The following DPP10 variants were observed in gnomAD, a reference collection of about 807,000 sequenced individuals.
DPP10 encodes the protein dipeptidyl peptidase like 10.
Under a neutral mutation model 120.9 loss-of-function variants are expected in DPP10, and 33 were observed. That is an observed-to-expected ratio of 0.27 (90% confidence interval 0.21 to 0.37). The LOEUF is 0.37. Among genes scored for constraint, DPP10 ranks in the 10% least tolerant of loss-of-function variants. DPP10 has a pLI of 1.00. For synonymous variants in DPP10, 337 were observed against 326.1 expected, an observed-to-expected ratio of 1.03 and a Z score of -0.36; for missense variants, 816 against 942.8, an observed-to-expected ratio of 0.87 and a Z score of 1.76.
At position 114,770,382 on chromosome 2, in the gene DPP10, C is replaced by T. The variant is rs150402670; in HGVS notation, c.60+327544C>T. Reference sequence around the variant, plus strand: ...ACTATTAATTTATTTTTAGGAATTACATTACTTTTTTACATTACTGTAGGA... The same window carrying T: ...ACTATTAATTTATTTTTAGGAATTATATTACTTTTTTACATTACTGTAGGA... On this transcript the variant is annotated intron_variant, in intron 1 of 25. Coordinates refer to ENST00000410059, the MANE Select transcript of DPP10 (RefSeq NM_020868.6). 9.1e-3 allele frequency among the ~76,000 whole-genome samples: 1,390 copies of T among 152,178 alleles called. 16 individuals carry two copies. Among genetic ancestry groups the T allele is most frequent in the Middle Eastern group, 0.014 (4 of 294 alleles).
chr2:115,237,049 TC>T (rs144607576), intron 1 of DPP10, among the ~76,000 whole-genome samples: 9,276 of 152,270 alleles, frequency 0.061, 326 homozygotes, highest in Middle Eastern at 0.11. Flanking sequence ...ATATAACTTT[TC>T]CAGGTTCCTA....
chr2:115,563,164 A>C (rs933489854), intron 5 of DPP10, among the ~76,000 whole-genome samples: 1 of 152,222 alleles, frequency 6.6e-6, no homozygotes, highest in African/African-American at 2.4e-5. Context: ...GCACTGTGAC[A>C]TTATGATTGT....
chr2:115,203,440 A>C (rs1026590748), intron 1 of DPP10, among the ~76,000 whole-genome samples: 4 of 152,050 alleles, frequency 2.6e-5, no homozygotes, highest in Non-Finnish European at 5.9e-5. Context: ...AATTTTTTCT[A>C]TGATTTGCCT....
chr2:115,767,445 C>T (rs1680897185), intron 12 of DPP10, among the ~76,000 whole-genome samples: 1 of 149,058 alleles, frequency 6.7e-6, no homozygotes, highest in Non-Finnish European at 1.5e-5. Context: ...GAAGAAAGAG[C>T]AGTATCTCTC....
chr2:114,523,282 T>G (rs898776711), intron 1 of DPP10, among the ~76,000 whole-genome samples: 1 of 152,208 alleles, frequency 6.6e-6, no homozygotes, highest in Non-Finnish European at 1.5e-5. Flanking sequence ...AGTCATTGAC[T>G]GCAGGCTGTT....
At chr2:115,010,926 C>T (rs1702219682) in intron 1 of DPP10, among the ~76,000 whole-genome samples, 2 of 152,254 alleles carry the variant, frequency 1.3e-5, no homozygotes, top group South Asian at 4.1e-4. Context: ...TAAACATGAT[C>T]ATTTCAAAGC....
intron 1 of DPP10, among the ~76,000 whole-genome samples, chr2:114,739,382 G>A (rs576714617): frequency 3.7e-4 from 56 of 152,158 alleles, no homozygotes; most frequent in Middle Eastern, 3.2e-3. Flanking sequence ...CTATGTTCTT[G>A]GAACGGTGGC....
At chr2:115,057,058 CA>C (rs1010432552) in intron 1 of DPP10, among the ~76,000 whole-genome samples, 10 of 152,192 alleles carry the variant, frequency 6.6e-5, no homozygotes, top group African/African-American at 2.4e-4. Flanking sequence ...CCATGAAAAA[CA>C]AAAGAAAAGA....
chr2:114,634,237 AT>A (rs1558951620), intron 1 of DPP10, among the ~76,000 whole-genome samples: 1 of 151,840 alleles, frequency 6.6e-6, no homozygotes, highest in African/African-American at 2.4e-5. Flanking sequence ...TTTAGGTAAG[AT>A]TTTGTTTCTC....
At chr2:115,393,370 A>C (rs368904110) in intron 3 of DPP10, among the ~76,000 whole-genome samples, 1 of 152,306 alleles carries the variant, frequency 6.6e-6, no homozygotes, top group Non-Finnish European at 1.5e-5. Flanking sequence ...ATCTAATGCT[A>C]ATAAATGAAA....
chr2:115,041,467 A>C (rs1704638623), intron 1 of DPP10, among the ~76,000 whole-genome samples: 1 of 152,146 alleles, frequency 6.6e-6, no homozygotes, highest in South Asian at 2.1e-4. Flanking sequence ...CCTAACTATG[A>C]GATATTGCTT....
At chr2:115,585,740 G>C (rs916746123) in intron 5 of DPP10, among the ~76,000 whole-genome samples, 1 of 151,924 alleles carries the variant, frequency 6.6e-6, no homozygotes, top group Non-Finnish European at 1.5e-5. Context: ...TATATTTCTA[G>C]TTTAGTGATT....
At chr2:114,570,100 T>C (rs936504107) in intron 1 of DPP10, among the ~76,000 whole-genome samples, 4 of 152,192 alleles carry the variant, frequency 2.6e-5, no homozygotes, top group African/African-American at 9.7e-5. Context: ...CCTTCTCTTC[T>C]TTCCTCTCAG....
At chr2:115,069,611 C>T (rs1450403181) in intron 1 of DPP10, among the ~76,000 whole-genome samples, 1 of 152,026 alleles carries the variant, frequency 6.6e-6, no homozygotes, top group Non-Finnish European at 1.5e-5. Flanking sequence ...ATAAAAGGAT[C>T]AGTATGTCTT....
intron 1 of DPP10, among the ~76,000 whole-genome samples, chr2:114,702,255 A>G (rs1007265280): frequency 5.9e-5 from 9 of 152,154 alleles, no homozygotes; most frequent in Admixed American, 5.9e-4. Flanking sequence ...CCAGGGGGGC[A>G]TGGTCAGAAG....
chr2:115,589,024 A>C (rs2082463911), intron 5 of DPP10, among the ~76,000 whole-genome samples: 1 of 152,198 alleles, frequency 6.6e-6, no homozygotes, highest in Admixed American at 6.5e-5. Flanking sequence ...AGTTGAATAT[A>C]AAATATTAAA....
intron 1 of DPP10, among the ~76,000 whole-genome samples, chr2:115,262,418 A>G (rs988547961): frequency 1.3e-5 from 2 of 151,948 alleles, no homozygotes; most frequent in Non-Finnish European, 2.9e-5. Flanking sequence ...TTACTATTTT[A>G]TTTTTAGTTT....
intron 1 of DPP10, chr2:114,835,454 A>G (rs1042857959): frequency 3.3e-5 from 5 of 152,174 alleles, no homozygotes; most frequent in Non-Finnish European, 7.4e-5. Flanking sequence ...TATATAAGAC[A>G]TATACCCACA....
intron 5 of DPP10, among the ~76,000 whole-genome samples, chr2:115,635,346 C>A (rs935342936): frequency 6.6e-6 from 1 of 152,132 alleles, no homozygotes; most frequent in Non-Finnish European, 1.5e-5. Flanking sequence ...CAAGGGGGAT[C>A]TCCTGATCTA....
Sources: gnomAD v4.1 joint callset for allele counts (sites outside exome capture counted in the v4.1 genomes callset) on GRCh38, gnomAD v4.1.1 for gene constraint, MANE v1.5 for transcripts, NCBI Gene and HGNC (gene_info 2026-07-23, HGNC 2026-07-21) for gene names.